Variants in MEGF9 observed in about 807,000 individuals in gnomAD.
The protein encoded by MEGF9 is multiple EGF like domains 9.
A neutral mutation model predicts 46.8 loss-of-function variants in MEGF9; 6 were observed. That is an observed-to-expected ratio of 0.13 (90% CI 0.07 to 0.25). The LOEUF is 0.25. MEGF9 is among the 10% of genes least tolerant of loss of function. The pLI is 1.00. For synonymous variants in MEGF9, 302 were observed against 330.7 expected, an observed-to-expected ratio of 0.91 and a Z score of 0.94; for missense variants, 683 against 792.4, an observed-to-expected ratio of 0.86 and a Z score of 1.66.
At chr9:120,634,346 C>CT (rs567199998) in intron 2 of MEGF9, among the ~76,000 whole-genome samples, 3 of 150,574 alleles carry the variant, frequency 2.0e-5, no homozygotes, top group Non-Finnish European at 4.4e-5. Flanking sequence ...ATATAATGAC[C>CT]TTTTTTGTCT....
intron 1 of MEGF9, among the ~76,000 whole-genome samples, chr9:120,678,922 G>A (rs2043785561): frequency 6.6e-6 from 1 of 152,164 alleles, no homozygotes; most frequent in Non-Finnish European, 1.5e-5. Context: ...AAACCACAAT[G>A]AGATACCATC....
intron 1 of MEGF9, among the ~76,000 whole-genome samples, chr9:120,665,944 C>T (rs73540318): frequency 0.015 from 2,269 of 152,186 alleles, 58 homozygotes; most frequent in African/African-American, 0.052. Context: ...TGTTCTGTTC[C>T]ACTGACTTAT....
chr9:120,644,930 T>C (rs1321737941), intron 2 of MEGF9, among the ~76,000 whole-genome samples: 1 of 152,234 alleles, frequency 6.6e-6, no homozygotes, highest in East Asian at 1.9e-4. Flanking sequence ...GAGATGTTTA[T>C]AAAGATTAAA....
At chr9:120,625,833 C>CAAAAAAAAAA (rs763605820) in intron 2 of MEGF9, among the ~76,000 whole-genome samples, 7 of 113,126 alleles carry the variant, frequency 6.2e-5, no homozygotes, top group East Asian at 2.7e-4. Context: ...CTCTGTCTCA[C>CAAAAAAAAAA]AAAAAAAAAA....
rs1422921564 is a variant in MEGF9, at chr9:120,666,069, G to C, written c.602-6494C>G. On this transcript the variant is annotated intron_variant, in intron 1 of 5. Transcript: ENST00000373930. ...TGTTCTTTTTGTTCAGGATTGCTTT[G>C]TCTGCTGTGATTCCATATGAATTTT... Among the ~76,000 whole-genome samples, 3 of 151,984 alleles carry C rather than the reference G, an allele frequency of 2.0e-5. No individual in the cohort carries two copies. The East Asian group carries it at 5.8e-4, about 29-fold the overall frequency.
At chr9:120,609,186 C>G (rs1448218261) in intron 4 of MEGF9, among the ~76,000 whole-genome samples, 1 of 152,198 alleles carries the variant, frequency 6.6e-6, no homozygotes, top group Non-Finnish European at 1.5e-5. Flanking sequence ...CCACCACCCC[C>G]TAAGGTTCAG....
chr9:120,713,978 AG>A lies in MEGF9; in HGVS notation c.380del (p.Pro127LeufsTer34). ...TGGTCGAAGTGCGTTCCGCCGCCGGAGGGGTGGTCGGCGAGGGGCCGAGCGG... is the reference window on the plus strand; with the variant it reads ...TGGTCGAAGTGCGTTCCGCCGCCGGAGGGTGGTCGGCGAGGGGCCGAGCGG... ...QAPLGPSPTT[P>X]PAAERTSTTS... On this transcript the variant is annotated frameshift_variant, in exon 1 of 6. Transcript: ENST00000373930. LOFTEE classifies it high-confidence loss of function. 2.9e-6 allele frequency: 4 copies of A among 1,379,484 alleles called. No individual in the cohort carries two copies. The highest frequency in any genetic ancestry group is 1.9e-6 in the Non-Finnish European group (2 of 1,061,928). 85.5% of individuals were successfully genotyped at this position (1,379,484 alleles called of 1,614,324 possible).
chr9:120,605,232 C>T lies in MEGF9; in HGVS notation c.1767G>A (p.Gly589=). Residue 589 remains glycine, a synonymous_variant, in exon 6 of 6, where the codon GGG becomes GGA. Coordinates refer to ENST00000373930, the MANE Select transcript of MEGF9 (RefSeq NM_001080497.3). This position sits in a 1 kb window ranked among gnomAD's most constrained non-coding sequence, Gnocchi z 4.0. The part of the protein sequence containing the change: ...EDDGNEVAPN[G]QLTLTTPIHN... The stretch of plus-strand genomic sequence containing the variant: ...GTATGGGCGTCGTCAGGGTCAGCTG[C>T]CCATTGGGAGCCACTTCATTGCCAT... The T allele has an allele frequency of 6.2e-7, 1 of 1,613,994 alleles. No individual in the cohort carries two copies. The highest frequency in any genetic ancestry group is 8.5e-7 in the Non-Finnish European group (1 of 1,179,872).
At chr9:120,665,210 T>A (rs2132325352) in intron 1 of MEGF9, among the ~76,000 whole-genome samples, 1 of 94,160 alleles carries the variant, frequency 1.1e-5, no homozygotes, top group South Asian at 4.8e-4. Flanking sequence ...CCAATTCTAC[T>A]CTTTTTTTTT....
intron 1 of MEGF9, among the ~76,000 whole-genome samples, chr9:120,666,580 A>T (rs2043726194): frequency 6.6e-6 from 1 of 152,244 alleles, no homozygotes; most frequent in Non-Finnish European, 1.5e-5. Context: ...TTTGGAAAAC[A>T]GTTTGACAGT....
In MEGF9 at chr9:120,656,546, C is replaced by CAAAAAA. The variant is rs11446439; in HGVS notation, c.803+2822_803+2827dup. 3.4e-5 allele frequency among the ~76,000 whole-genome samples: 3 copies of CAAAAAA among 88,890 alleles called. No homozygotes were observed. The East Asian group carries it at 1.0e-3, about 31-fold the overall frequency. The allele number at this position is 88,890 out of a possible 152,430, so 58.3% of individuals were successfully genotyped here. On this transcript the variant is annotated intron_variant, in intron 2 of 5. Transcript: ENST00000373930. Reference sequence around the variant, plus strand: ...TGAGAGACAGAGCGAGACTCCGTCTCAAAAAAAAAAAAAAAAAAAAAGATT... The same window carrying CAAAAAA: ...TGAGAGACAGAGCGAGACTCCGTCTCAAAAAAAAAAAAAAAAAAAAAAAAAAAGATT...
chr9:120,707,704 G>A (rs2043934907), intron 1 of MEGF9, among the ~76,000 whole-genome samples: 3 of 152,142 alleles, frequency 2.0e-5, no homozygotes, highest in African/African-American at 7.2e-5. Context: ...ACATTTTCCA[G>A]TACAGTTAAG....
chr9:120,710,953 G>A (rs1226366800), intron 1 of MEGF9, among the ~76,000 whole-genome samples: 1 of 152,158 alleles, frequency 6.6e-6, no homozygotes, highest in Non-Finnish European at 1.5e-5. Flanking sequence ...TTAAAACACA[G>A]GAAAGTTATC....
At chr9:120,638,257 G>A (rs1321801569) in intron 2 of MEGF9, among the ~76,000 whole-genome samples, 1 of 152,182 alleles carries the variant, frequency 6.6e-6, no homozygotes, top group Non-Finnish European at 1.5e-5. Flanking sequence ...CTCCCAAAGT[G>A]CTAGGATCAC....
At chr9:120,692,295 ATCTAAG>A (rs1415309258) in intron 1 of MEGF9, among the ~76,000 whole-genome samples, 1 of 152,222 alleles carries the variant, frequency 6.6e-6, no homozygotes, top group Non-Finnish European at 1.5e-5. Context: ...AATTTTAATT[ATCTAAG>A]TCTATGTGTT....
At chr9:120,625,750 C>T (rs1375526468) in intron 2 of MEGF9, among the ~76,000 whole-genome samples, 1 of 146,566 alleles carries the variant, frequency 6.8e-6, no homozygotes, top group Non-Finnish European at 1.5e-5. Context: ...AGGAGAATCG[C>T]TTGAACCTGT....
intron 2 of MEGF9, among the ~76,000 whole-genome samples, chr9:120,645,120 C>T (rs1352861775): frequency 6.6e-6 from 1 of 152,082 alleles, no homozygotes; most frequent in African/African-American, 2.4e-5. Context: ...AAGGGTTTAA[C>T]AAGACTCTTT....
chr9:120,648,213 G>A (rs934261162), intron 2 of MEGF9, among the ~76,000 whole-genome samples: 6 of 151,654 alleles, frequency 4.0e-5, no homozygotes, highest in Admixed American at 2.0e-4. Flanking sequence ...ATGGATAAAC[G>A]TATTTACAAG....
At chr9:120,635,858 T>A (rs1258542026) in intron 2 of MEGF9, among the ~76,000 whole-genome samples, 1 of 152,216 alleles carries the variant, frequency 6.6e-6, no homozygotes, top group African/African-American at 2.4e-5. Context: ...TGACGTTCCT[T>A]TGGTGGCAAC....
Sources: gnomAD v4.1 joint callset for allele counts (sites outside exome capture counted in the v4.1 genomes callset) on GRCh38, gnomAD v4.1.1 for gene constraint, Gnocchi (gnomAD v3.1) non-coding constraint, MANE v1.5 for transcripts, NCBI Gene and HGNC (gene_info 2026-07-23, HGNC 2026-07-21) for gene names.